The following FGD1 variants were observed in gnomAD, a reference collection of about 807,000 sequenced individuals.
The protein encoded by FGD1 is FYVE, RhoGEF and PH domain containing 1.
In FGD1, 12 loss-of-function variants were observed where a neutral mutation model predicts 65.0. The observed-to-expected ratio is 0.18, with a 90% confidence interval of 0.12 to 0.30. FGD1 has a LOEUF of 0.30. Ranked by LOEUF, FGD1 falls within the 10% of genes least tolerant of loss-of-function variation. The pLI, the probability that FGD1 is intolerant of heterozygous loss-of-function variation, is 1.00. For missense variants in FGD1, 542 were observed against 837.6 expected (o/e 0.65, Z 4.36); for synonymous variants, 333 against 343.9 (o/e 0.97, Z 0.35).
chrX:54,479,377 G>A (rs1177901310), intron 1 of FGD1, among the ~76,000 whole-genome samples: 1 of 111,962 alleles, frequency 8.9e-6, no homozygotes, highest in Admixed American at 9.5e-5. Flanking sequence ...TAGGGCCCCA[G>A]ACTGGCCCTT....
intron 1 of FGD1, among the ~76,000 whole-genome samples, chrX:54,478,434 G>C (rs1423878440): frequency 3.7e-5 from 4 of 108,352 alleles, no homozygotes; most frequent in Non-Finnish European, 5.7e-5. Flanking sequence ...TATGATACTT[G>C]ACTATTCCCA....
At chrX:54,486,622 C>A (rs1267190428) in intron 1 of FGD1, among the ~76,000 whole-genome samples, 1 of 110,462 alleles carries the variant, frequency 9.1e-6, no homozygotes, top group East Asian at 3.0e-4. Context: ...CTCAAGTGAT[C>A]CACCCGCCTT....
intron 6 of FGD1, among the ~76,000 whole-genome samples, chrX:54,467,358 CTT>C (rs200305260): frequency 6.9e-4 from 66 of 96,268 alleles, no homozygotes; most frequent in Admixed American, 5.5e-3. Context: ...TTTTCTTTTT[CTT>C]TTTTTTTTTT....
At position 54,468,870 on chromosome X, in the gene FGD1, C is replaced by A. The variant is rs372266456; in HGVS notation, c.1108G>T (p.Val370Leu). ...GCAATGTGAAACACCTTTTGCTGCA[C>A]AGTCAACTGGAAAGGAGAAACAGTA... ...MERQESVELT[V>L]QQKVFHIANE... The change falls in exon 5 of 18, where the codon GTG becomes TTG. Residue 370 changes from valine (V) to leucine (L), a missense_variant. By Grantham distance (32) the Val-to-Leu change is conservative (BLOSUM62 1). Around this residue, in one of 6 missense-constraint regions of FGD1, gnomAD observed 297 missense variants for 326.8 expected, o/e 0.91. Transcript: ENST00000375135. 2 of 1,191,606 alleles carry A rather than the reference C, an allele frequency of 1.7e-6. No individual in the cohort carries two copies. Among genetic ancestry groups the A allele is most frequent in the Non-Finnish European group, 2.3e-6 (2 of 879,651 alleles).
chrX:54,451,364 A>C (rs758383222), intron 12 of FGD1, among the ~76,000 whole-genome samples: 69 of 107,326 alleles, frequency 6.4e-4, no homozygotes, highest in African/African-American at 2.3e-3. Context: ...AGCTTACTGC[A>C]ACCTCCGCCT....
chrX:54,455,826 G>A, intron 10 of FGD1, 42 bp from the exon 11 acceptor site: 1 of 1,029,889 alleles, frequency 9.7e-7, no homozygotes, highest in Non-Finnish European at 1.3e-6. Flanking sequence ...AGAGGGCCTA[G>A]TGGGGATGTG....
At position 54,449,765 on chromosome X, in the gene FGD1, G is replaced by A; in HGVS notation, c.2047-5C>T. ...CAGGAGGGTGGAGTTGATGGCCTGGGGAGGAGGTGTAAGAAATGAGAAGTC... is the reference window on the plus strand; with the variant it reads ...CAGGAGGGTGGAGTTGATGGCCTGGAGAGGAGGTGTAAGAAATGAGAAGTC... On this transcript the variant is annotated splice_region_variant and splice_polypyrimidine_tract_variant and intron_variant, in intron 13 of 17. Coordinates refer to ENST00000375135, the MANE Select transcript of FGD1 (RefSeq NM_004463.3). 2.6e-6 allele frequency: 3 copies of A among 1,162,552 alleles called. No homozygotes were observed. Among genetic ancestry groups the A allele is most frequent in the South Asian group, 3.6e-5 (2 of 55,796 alleles).
intron 1 of FGD1, among the ~76,000 whole-genome samples, chrX:54,477,808 C>T (rs1569541354): frequency 3.6e-5 from 4 of 111,780 alleles, no homozygotes; most frequent in Admixed American, 9.5e-5. Flanking sequence ...CTAACAATTT[C>T]TTAAGCTATA....
intron 8 of FGD1, among the ~76,000 whole-genome samples, chrX:54,462,966 T>C (rs1220936067): frequency 9.1e-6 from 1 of 110,124 alleles, no homozygotes; most frequent in Non-Finnish European, 1.9e-5. Flanking sequence ...GGTTTCACCA[T>C]GTTGGCCAGG....
intron 8 of FGD1, among the ~76,000 whole-genome samples, chrX:54,459,745 C>G (rs1033880140): frequency 9.1e-6 from 1 of 110,374 alleles, no homozygotes; most frequent in Non-Finnish European, 1.9e-5. Context: ...TAAGTTGTTT[C>G]TGGGGACAAA....
At chrX:54,458,248 C>T (rs1386036612) in intron 8 of FGD1, among the ~76,000 whole-genome samples, 1 of 111,869 alleles carries the variant, frequency 8.9e-6, no homozygotes, top group Non-Finnish European at 1.9e-5. Flanking sequence ...TTTAGCCTGA[C>T]ATTCAAAGCC....
chrX:54,449,109 C>A (rs773430334), intron 15 of FGD1, 34 bp downstream of exon 15: 1 of 1,211,888 alleles, frequency 8.3e-7, no homozygotes, highest in Non-Finnish European at 1.1e-6. Context: ...ATTCTGTCCC[C>A]TCCCTAGCTC....
intron 8 of FGD1, among the ~76,000 whole-genome samples, chrX:54,465,090 T>C (rs1242127345): frequency 9.3e-6 from 1 of 107,339 alleles, no homozygotes; most frequent in Non-Finnish European, 1.9e-5. Flanking sequence ...ATCTAGGAAA[T>C]GGATGAGTTC....
intron 1 of FGD1, among the ~76,000 whole-genome samples, chrX:54,474,201 A>G (rs1333759573): frequency 2.7e-5 from 3 of 111,829 alleles, no homozygotes; most frequent in Non-Finnish European, 5.6e-5. Flanking sequence ...AGGCCCAGGA[A>G]TACACACACT....
chrX:54,467,684 G>A, intron 6 of FGD1, 100 bp downstream of exon 6: 1 of 941,444 alleles, frequency 1.1e-6, no homozygotes, highest in Non-Finnish European at 1.5e-6. Flanking sequence ...GTCACTAAGA[G>A]GAAGAGCAAG....
At chrX:54,452,675 G>A (rs1922408078) in intron 12 of FGD1, among the ~76,000 whole-genome samples, 1 of 111,676 alleles carries the variant, frequency 9.0e-6, no homozygotes, top group African/African-American at 3.3e-5. Flanking sequence ...GAACCCGGGA[G>A]GTGGAGGTTG....
At chrX:54,468,045 T>G in intron 5 of FGD1, 113 bp from the exon 6 acceptor site, 1 of 673,025 alleles carries the variant, frequency 1.5e-6, no homozygotes, top group East Asian at 3.5e-5. Context: ...GCATTGGTCT[T>G]GAGACTGAGG....
rs775569133 is a variant in FGD1, at chrX:54,470,256, G to A, written c.861C>T (p.Ser287=). 8 of 1,205,393 alleles carry A rather than the reference G, an allele frequency of 6.6e-6. No individual in the cohort carries two copies. In the Admixed American group the frequency reaches 1.8e-4, roughly 27 times the overall value. ...CCTCGCTGTTGGATGGCGAGCTGAT[G>A]CTATCAATGCCGCTGTCCCGGTTGG... ...KVPNRDSGID[S]ISSPSNSEET... is the part of the protein sequence containing the mutation. Residue 287 remains serine (S), a synonymous_variant, in exon 4 of 18, where the codon AGC becomes AGT. Transcript: ENST00000375135.
chrX:54,490,143 G>A (rs972948776), intron 1 of FGD1, among the ~76,000 whole-genome samples: 1 of 111,584 alleles, frequency 9.0e-6, no homozygotes, highest in African/African-American at 3.3e-5. Flanking sequence ...GAGTACATAT[G>A]GACACAAAGA....
Sources: gnomAD v4.1 joint callset for allele counts (sites outside exome capture counted in the v4.1 genomes callset) on GRCh38, gnomAD v4.1.1 for gene constraint, gnomAD v4.1.1 regional missense constraint, MANE v1.5 for transcripts, NCBI Gene and HGNC (gene_info 2026-07-23, HGNC 2026-07-21) for gene names.